The following PLCG2 variants were observed in gnomAD, a reference collection of about 807,000 sequenced individuals.
The protein encoded by PLCG2 is 1-phosphatidylinositol 4,5-bisphosphate phosphodiesterase gamma-2.
PLCG2 carries 69 observed loss-of-function variants against 175.6 expected under a neutral mutation model. The ratio of observed to expected loss-of-function variants is 0.39; its 90% confidence interval spans 0.32 to 0.48. The LOEUF is 0.48. PLCG2 is among the 20% of genes least tolerant of loss of function. The pLI, the probability that PLCG2 is intolerant of heterozygous loss-of-function variation, is 0.91. For synonymous variants in PLCG2, 827 were observed against 624.0 expected, an observed-to-expected ratio of 1.33 and a Z score of -4.85; for missense variants, 1,798 against 1,650.9, an observed-to-expected ratio of 1.09 and a Z score of -1.54.
chr16:81,939,543 G>T (rs1158667301), intron 29 of PLCG2, among the ~76,000 whole-genome samples: 2 of 152,192 alleles, frequency 1.3e-5, no homozygotes, highest in African/African-American at 4.8e-5. Context: ...CCTGCTGGTG[G>T]ATGTGGCTCC....
At chr16:81,833,702 A>G (rs1905368034) in intron 2 of PLCG2, among the ~76,000 whole-genome samples, 1 of 151,140 alleles carries the variant, frequency 6.6e-6, no homozygotes, top group African/African-American at 2.4e-5. Flanking sequence ...GCTAATTATT[A>G]TATATATTTT....
At chr16:81,910,159 C>T (rs370354416) in intron 17 of PLCG2, among the ~76,000 whole-genome samples, 2 of 152,080 alleles carry the variant, frequency 1.3e-5, no homozygotes, top group Non-Finnish European at 2.9e-5. Context: ...GGCGTGATCT[C>T]GGCTCACTGC....
chr16:81,801,371 G>C (rs148636731), intron 2 of PLCG2, among the ~76,000 whole-genome samples: 24 of 152,096 alleles, frequency 1.6e-4, no homozygotes, highest in Non-Finnish European at 2.8e-4. Flanking sequence ...TGTTTTGCAG[G>C]TCTTTACATA....
chr16:81,877,137 C>G (rs148808866), intron 7 of PLCG2, among the ~76,000 whole-genome samples: 1 of 152,290 alleles, frequency 6.6e-6, no homozygotes, highest in African/African-American at 2.4e-5. Context: ...GCCGCTGTGG[C>G]AAGTACTGCA....
chr16:81,786,318 C>T, intron 2 of PLCG2, 136 bp downstream of exon 2: 2 of 742,768 alleles, frequency 2.7e-6, no homozygotes, highest in Non-Finnish European at 4.3e-6. Flanking sequence ...AAAATGAAAG[C>T]ATTGCCAGTT....
chr16:81,887,995 A>G (rs571673622), intron 9 of PLCG2, among the ~76,000 whole-genome samples: 1 of 151,778 alleles, frequency 6.6e-6, no homozygotes, highest in East Asian at 1.9e-4. Context: ...AAAAGAGGGC[A>G]TATGATTACA....
chr16:81,889,294 G>A (rs925520427), intron 10 of PLCG2, 21 bp downstream of exon 10: 1 of 1,359,384 alleles, frequency 7.4e-7, no homozygotes, highest in South Asian at 1.2e-5. Context: ...TGGGCTTGTT[G>A]TCGCTTGGGG....
intron 11 of PLCG2, among the ~76,000 whole-genome samples, chr16:81,892,071 C>G (rs1052125247): frequency 1.3e-5 from 2 of 152,124 alleles, no homozygotes; most frequent in African/African-American, 4.8e-5. Flanking sequence ...ATAGGACTTG[C>G]TGATGTGGGG....
In PLCG2 at chr16:81,921,977, C is replaced by G. The variant is rs114651604; in HGVS notation, c.2307+708C>G. Among the ~76,000 whole-genome samples the G allele has an allele frequency of 7.7e-3, 1,176 of 152,262 alleles. 9 individuals are homozygous for G. Among genetic ancestry groups the G allele is most frequent in the African/African-American group, 0.027 (1,117 of 41,540 alleles). Reference sequence around the variant, plus strand: ...CTGTGTGTGAAATGCATTAAGAGACCTTAGTAGCAAAAACTTTTGTTAGTA... The same window carrying G: ...CTGTGTGTGAAATGCATTAAGAGACGTTAGTAGCAAAAACTTTTGTTAGTA... On this transcript the variant is annotated intron_variant, in intron 21 of 32. Coordinates refer to ENST00000564138, the MANE Select transcript of PLCG2 (RefSeq NM_002661.5).
intron 31 of PLCG2, among the ~76,000 whole-genome samples, chr16:81,949,902 ATAAAC>A (rs1477584942): frequency 2.6e-5 from 4 of 152,234 alleles, no homozygotes; most frequent in African/African-American, 9.6e-5. Flanking sequence ...CAGTCAGTAA[ATAAAC>A]TATACTGCAG....
chr16:81,943,953 G>T (rs574826198), intron 30 of PLCG2, among the ~76,000 whole-genome samples: 7 of 152,246 alleles, frequency 4.6e-5, no homozygotes, highest in Admixed American at 2.6e-4. Flanking sequence ...GCACAGCTCA[G>T]GAATTCTGTG....
chr16:81,780,105 G>GT (rs1910663094), intron 1 of PLCG2, among the ~76,000 whole-genome samples: 2 of 152,102 alleles, frequency 1.3e-5, no homozygotes, highest in Non-Finnish European at 2.9e-5. Flanking sequence ...GTGGGGCGGG[G>GT]CTCTCTTGGT....
At position 81,867,864 on chromosome 16, in the gene PLCG2, A is replaced by AT. The variant is rs904088536; in HGVS notation, c.480-1342dup. Among the ~76,000 whole-genome samples the AT allele has an allele frequency of 8.6e-5, 13 of 151,704 alleles. No individual in the cohort carries two copies. The South Asian group carries it at 1.5e-3, about 17-fold the overall frequency. On this transcript the variant is annotated intron_variant, in intron 5 of 32. Coordinates refer to ENST00000564138, the MANE Select transcript of PLCG2 (RefSeq NM_002661.5). ...AGGCGCCTGCTACCATGCCTGGCTA[A>AT]TTTTTTTTGTATTTTTAGTAGAGAC...
intron 23 of PLCG2, 70 bp from the exon 24 acceptor site, chr16:81,928,488 C>T (rs1264687234): frequency 4.0e-5 from 39 of 978,342 alleles, no homozygotes; most frequent in Non-Finnish European, 3.3e-5. Flanking sequence ...AAACGGTGTG[C>T]TTTGGAAACG....
intron 1 of PLCG2, among the ~76,000 whole-genome samples, chr16:81,745,370 A>G (rs1597300949): frequency 6.6e-6 from 1 of 152,228 alleles, no homozygotes; most frequent in South Asian, 2.1e-4. Flanking sequence ...TAGGGTAGTC[A>G]CTGAAAATCT....
At chr16:81,818,442 C>G (rs879893104) in intron 2 of PLCG2, among the ~76,000 whole-genome samples, 1 of 152,170 alleles carries the variant, frequency 6.6e-6, no homozygotes, top group Non-Finnish European at 1.5e-5. Flanking sequence ...TGCATGATGA[C>G]TAGCACATAC....
At chr16:81,854,355 C>T (rs1906573301) in intron 2 of PLCG2, 89 bp from the exon 3 acceptor site, 5 of 1,214,024 alleles carry the variant, frequency 4.1e-6, no homozygotes, top group Non-Finnish European at 6.0e-6. Context: ...AGGAAGGAGC[C>T]AGGCTGTGCC....
chr16:81,810,640 CT>C (rs1177879946), intron 2 of PLCG2, among the ~76,000 whole-genome samples: 1 of 51,354 alleles, frequency 1.9e-5, no homozygotes, highest in Non-Finnish European at 4.2e-5. Flanking sequence ...TCTGCAATTT[CT>C]TTCTTTTTAT....
At chr16:81,798,641 C>T (rs1021705005) in intron 2 of PLCG2, 9 of 152,262 alleles carry the variant, frequency 5.9e-5, no homozygotes, top group East Asian at 1.9e-4. Context: ...CAGGGGTAGG[C>T]GTGAGTTTTG....
Sources: allele counts gnomAD v4.1 joint callset (sites outside exome capture counted in the v4.1 genomes callset), GRCh38; gene constraint gnomAD v4.1.1; transcripts MANE v1.5; gene names NCBI Gene and HGNC (gene_info 2026-07-23, HGNC 2026-07-21).